Variants in GPC5 observed in about 807,000 individuals in gnomAD.
GPC5 encodes the protein glypican-5.
GPC5 carries 47 observed loss-of-function variants against 53.9 expected under a neutral mutation model. The observed-to-expected ratio is 0.87, with a 90% confidence interval of 0.69 to 1.11. The LOEUF (loss-of-function observed/expected upper bound fraction) is 1.11, where lower values mean the gene tolerates loss of function less well. Among genes scored for constraint, GPC5 ranks in the 50% most tolerant of loss-of-function variants. The pLI, the probability that GPC5 is intolerant of heterozygous loss-of-function variation, is 0.00. For synonymous variants in GPC5, 286 were observed against 263.3 expected, an observed-to-expected ratio of 1.09 and a Z score of -0.84; for missense variants, 748 against 713.1, an observed-to-expected ratio of 1.05 and a Z score of -0.56.
chr13:92,758,798 A>G (rs1419038399), intron 7 of GPC5, among the ~76,000 whole-genome samples: 7 of 152,078 alleles, frequency 4.6e-5, no homozygotes, highest in Admixed American at 4.6e-4. Flanking sequence ...CCAAGAAATC[A>G]TTGCCAAGAC....
intron 5 of GPC5, among the ~76,000 whole-genome samples, chr13:91,773,766 C>T (rs921773132): frequency 1.1e-4 from 17 of 152,132 alleles, no homozygotes; most frequent in Admixed American, 9.2e-4. Flanking sequence ...TGCAGACATG[C>T]AAGTCAGCTT....
chr13:92,617,402 A>G (rs1884729677), intron 7 of GPC5, among the ~76,000 whole-genome samples: 1 of 152,164 alleles, frequency 6.6e-6, no homozygotes. Context: ...ACATTTTACT[A>G]TAGATTTCTG....
At chr13:92,378,387 A>C (rs1260882439) in intron 7 of GPC5, among the ~76,000 whole-genome samples, 2 of 152,234 alleles carry the variant, frequency 1.3e-5, no homozygotes, top group African/African-American at 4.8e-5. Flanking sequence ...GGAGGTTGGA[A>C]TTACTCTTCA....
At chr13:91,753,509 G>A (rs886177093) in intron 4 of GPC5, among the ~76,000 whole-genome samples, 56 of 151,944 alleles carry the variant, frequency 3.7e-4, no homozygotes, top group Admixed American at 7.2e-4. Context: ...ACATCCTCAG[G>A]GTTTCTCCTG....
At chr13:91,468,981 C>T (rs1882429235) in intron 2 of GPC5, among the ~76,000 whole-genome samples, 1 of 151,502 alleles carries the variant, frequency 6.6e-6, no homozygotes, top group Admixed American at 6.6e-5. Flanking sequence ...GGACTCAAGC[C>T]ATCCTCCCAC....
chr13:92,378,542 A>G (rs765152823), intron 7 of GPC5, among the ~76,000 whole-genome samples: 14 of 152,234 alleles, frequency 9.2e-5, no homozygotes, highest in Non-Finnish European at 2.1e-4. Context: ...TAATAATGTA[A>G]TCAGAATAGC....
At chr13:92,286,163 A>G (rs905248277) in intron 7 of GPC5, among the ~76,000 whole-genome samples, 2 of 152,236 alleles carry the variant, frequency 1.3e-5, no homozygotes, top group Non-Finnish European at 2.9e-5. Context: ...CATCAGAGAA[A>G]TGCAAATCAA....
intron 7 of GPC5, among the ~76,000 whole-genome samples, chr13:92,397,467 T>A (rs1258041019): frequency 6.6e-6 from 1 of 152,262 alleles, no homozygotes; most frequent in Non-Finnish European, 1.5e-5. Flanking sequence ...TAAACTTTTT[T>A]CTTTATAAAT....
intron 4 of GPC5, among the ~76,000 whole-genome samples, chr13:91,731,766 G>A (rs1000959915): frequency 5.9e-5 from 9 of 152,156 alleles, no homozygotes; most frequent in Non-Finnish European, 1.2e-4. Flanking sequence ...CCACTTAGGA[G>A]TGAGAACATG....
At chr13:91,476,848 A>G (rs1882959343) in intron 2 of GPC5, among the ~76,000 whole-genome samples, 2 of 152,218 alleles carry the variant, frequency 1.3e-5, no homozygotes, top group Non-Finnish European at 2.9e-5. Flanking sequence ...AGAAGATACA[A>G]ATAGTGGAAG....
intron 6 of GPC5, among the ~76,000 whole-genome samples, chr13:92,071,987 T>C (rs1212262754): frequency 3.4e-5 from 5 of 146,332 alleles, no homozygotes; most frequent in South Asian, 2.1e-4. Flanking sequence ...AATATGTATA[T>C]ATTATTTATA....
chr13:92,166,081 AACTT>A (rs1270900739), intron 7 of GPC5, among the ~76,000 whole-genome samples: 3 of 152,226 alleles, frequency 2.0e-5, no homozygotes, highest in Non-Finnish European at 4.4e-5. Context: ...TTGCAGAAGA[AACTT>A]ACTTAAAGAA....
At chr13:92,813,328 A>G (rs961883847) in intron 7 of GPC5, among the ~76,000 whole-genome samples, 3 of 151,804 alleles carry the variant, frequency 2.0e-5, no homozygotes, top group African/African-American at 7.3e-5. Flanking sequence ...TTTAGTTCTG[A>G]TTATGGTTAG....
At chr13:91,485,970 C>T (rs951290887) in intron 2 of GPC5, 20 of 152,130 alleles carry the variant, frequency 1.3e-4, no homozygotes, top group African/African-American at 4.3e-4. Flanking sequence ...TCTCTGGCAC[C>T]GTTTGGTCTC....
chr13:92,151,868 T>TA (rs1250311127), intron 7 of GPC5, among the ~76,000 whole-genome samples: 1 of 152,104 alleles, frequency 6.6e-6, no homozygotes, highest in East Asian at 1.9e-4. Context: ...ATGGGGAGCT[T>TA]AAAAAATACT....
chr13:92,612,889 A>G (rs1235124633), intron 7 of GPC5, among the ~76,000 whole-genome samples: 1 of 152,096 alleles, frequency 6.6e-6, no homozygotes, highest in Non-Finnish European at 1.5e-5. Flanking sequence ...ACACTATAAT[A>G]AAAATAACAT....
intron 5 of GPC5, among the ~76,000 whole-genome samples, chr13:91,817,058 T>G (rs938898025): frequency 6.6e-6 from 1 of 152,200 alleles, no homozygotes; most frequent in African/African-American, 2.4e-5. Flanking sequence ...TAATTTAAAT[T>G]ATTCTTTCTG....
intron 7 of GPC5, among the ~76,000 whole-genome samples, chr13:92,239,471 G>A (rs2042593955): frequency 6.6e-6 from 1 of 151,842 alleles, no homozygotes; most frequent in South Asian, 2.1e-4. Flanking sequence ...CATCCATAGT[G>A]TTGCATGCAT....
At chr13:91,430,711 T>C (rs1427356933) in intron 1 of GPC5, among the ~76,000 whole-genome samples, 1 of 152,210 alleles carries the variant, frequency 6.6e-6, no homozygotes, top group Non-Finnish European at 1.5e-5. Context: ...ATACTTTTAG[T>C]TTTCTAGACT....
Sources: gnomAD v4.1 joint callset for allele counts (sites outside exome capture counted in the v4.1 genomes callset) on GRCh38, gnomAD v4.1.1 for gene constraint, MANE v1.5 for transcripts, NCBI Gene and HGNC (gene_info 2026-07-23, HGNC 2026-07-21) for gene names.